Variants in ANKS1B observed in about 807,000 individuals in gnomAD.
ANKS1B encodes ankyrin repeat and sterile alpha motif domain-containing protein 1B.
Under a neutral mutation model 148.3 loss-of-function variants are expected in ANKS1B, and 36 were observed. The observed-to-expected ratio is 0.24, with a 90% CI of 0.19 to 0.32. The LOEUF is 0.32. ANKS1B is among the 10% of genes least tolerant of loss of function. ANKS1B has a pLI of 1.00. For missense variants in ANKS1B, 1,157 were observed against 1,542.6 expected (o/e 0.75, Z 4.19); for synonymous variants, 542 against 560.8 (o/e 0.97, Z 0.47).
At chr12:99,196,460 G>A (rs2081385463) in intron 14 of ANKS1B, among the ~76,000 whole-genome samples, 1 of 152,084 alleles carries the variant, frequency 6.6e-6, no homozygotes, top group African/African-American at 2.4e-5. Flanking sequence ...ATGGCTGGCT[G>A]TCTTTACTAC....
At chr12:99,730,262 AG>A (rs2059006452) in intron 8 of ANKS1B, among the ~76,000 whole-genome samples, 1 of 152,170 alleles carries the variant, frequency 6.6e-6, no homozygotes, top group Non-Finnish European at 1.5e-5. Flanking sequence ...GGCTCCCACA[AG>A]CTGTCTCTTT....
At chr12:99,814,366 C>A (rs2068831114) in intron 2 of ANKS1B, among the ~76,000 whole-genome samples, 1 of 151,590 alleles carries the variant, frequency 6.6e-6, no homozygotes. Context: ...AATAGTAAAG[C>A]ACTATACCAA....
intron 1 of ANKS1B, among the ~76,000 whole-genome samples, chr12:99,888,299 C>G (rs1027751272): frequency 6.6e-6 from 1 of 152,200 alleles, no homozygotes; most frequent in Non-Finnish European, 1.5e-5. Flanking sequence ...GATGAAGGCT[C>G]TGCTCCTTGA....
At chr12:99,212,853 T>G (rs1368798933) in intron 14 of ANKS1B, among the ~76,000 whole-genome samples, 2 of 152,194 alleles carry the variant, frequency 1.3e-5, no homozygotes, top group Non-Finnish European at 2.9e-5. Flanking sequence ...CCTACGCTTG[T>G]GCTAAATCAC....
chr12:98,950,787 A>G (rs375556201), intron 17 of ANKS1B, among the ~76,000 whole-genome samples: 6 of 152,164 alleles, frequency 3.9e-5, no homozygotes, highest in African/African-American at 1.4e-4. Context: ...TTTTTAATAA[A>G]CAGGGTGTTG....
At chr12:99,546,573 T>C (rs1451815487) in intron 9 of ANKS1B, among the ~76,000 whole-genome samples, 7 of 152,134 alleles carry the variant, frequency 4.6e-5, no homozygotes, top group African/African-American at 1.4e-4. Flanking sequence ...GAAAATGGGA[T>C]CTCTGATAAG....
intron 9 of ANKS1B, among the ~76,000 whole-genome samples, chr12:99,621,629 T>G (rs532359791): frequency 1.3e-4 from 20 of 152,004 alleles, no homozygotes; most frequent in African/African-American, 4.3e-4. Context: ...AAAAAAGACT[T>G]TAAACCAACA....
chr12:99,291,166 A>G (rs1046945127), intron 12 of ANKS1B, among the ~76,000 whole-genome samples: 5 of 152,180 alleles, frequency 3.3e-5, no homozygotes, highest in African/African-American at 9.6e-5. Context: ...ATACTTAGGA[A>G]TAGACTTAAA....
intron 12 of ANKS1B, among the ~76,000 whole-genome samples, chr12:99,321,394 C>A (rs1290070243): frequency 6.6e-6 from 1 of 152,232 alleles, no homozygotes; most frequent in Non-Finnish European, 1.5e-5. Context: ...CTACTCAAGC[C>A]TCGGCAATGG....
At chr12:99,030,722 G>A (rs1235785520) in intron 17 of ANKS1B, among the ~76,000 whole-genome samples, 3 of 152,140 alleles carry the variant, frequency 2.0e-5, no homozygotes, top group African/African-American at 7.2e-5. Context: ...CTCTTCAAAG[G>A]AAATTCTTAC....
intron 16 of ANKS1B, chr12:99,083,979 T>A (rs1013716871): frequency 1.3e-5 from 2 of 152,182 alleles, no homozygotes; most frequent in Non-Finnish European, 2.9e-5. Context: ...ATTTTGCCTC[T>A]TCCTTTAGGC....
At chr12:99,019,197 G>T (rs1232821525) in intron 17 of ANKS1B, among the ~76,000 whole-genome samples, 1 of 152,124 alleles carries the variant, frequency 6.6e-6, no homozygotes, top group Non-Finnish European at 1.5e-5. Flanking sequence ...CTTCTCCAAA[G>T]ATTTGATCAT....
intron 9 of ANKS1B, among the ~76,000 whole-genome samples, chr12:99,529,919 GATTA>G: frequency 6.6e-6 from 1 of 152,164 alleles, no homozygotes; most frequent in South Asian, 2.1e-4. Flanking sequence ...ATAATATTAG[GATTA>G]ATTTAGGAAT....
intron 17 of ANKS1B, among the ~76,000 whole-genome samples, chr12:99,018,867 C>T (rs1042290714): frequency 4.6e-5 from 7 of 152,102 alleles, no homozygotes; most frequent in African/African-American, 1.7e-4. Context: ...CATTTGAACC[C>T]GGGAGGCAGA....
At chr12:99,066,876 T>C (rs1047336956) in intron 16 of ANKS1B, among the ~76,000 whole-genome samples, 12 of 152,198 alleles carry the variant, frequency 7.9e-5, no homozygotes, top group Non-Finnish European at 7.3e-5. Context: ...GGGTCTCAGC[T>C]TGAAGAGGAC....
At chr12:99,124,030 CT>C (rs2063627371) in intron 15 of ANKS1B, among the ~76,000 whole-genome samples, 1 of 152,124 alleles carries the variant, frequency 6.6e-6, no homozygotes, top group Non-Finnish European at 1.5e-5. Flanking sequence ...CATGCAGGGT[CT>C]TGGAAACCAC....
chr12:99,244,831 T>C (rs2089991613), intron 13 of ANKS1B, among the ~76,000 whole-genome samples: 1 of 152,144 alleles, frequency 6.6e-6, no homozygotes, highest in Admixed American at 6.5e-5. Flanking sequence ...TTTCAGGGTG[T>C]GGAGAGCACG....
At chr12:99,973,235 C>G (rs1464074728) in intron 1 of ANKS1B, among the ~76,000 whole-genome samples, 1 of 152,190 alleles carries the variant, frequency 6.6e-6, no homozygotes, top group Non-Finnish European at 1.5e-5. Flanking sequence ...TTAAGAAATA[C>G]ATTTTGTAAG....
At chr12:99,896,348 A>G (rs73376109) in intron 1 of ANKS1B, among the ~76,000 whole-genome samples, 7,136 of 151,242 alleles carry the variant, frequency 0.047, 603 homozygotes, top group African/African-American at 0.16. Context: ...GTGAGATCAT[A>G]TAGTATTTTT....
Sources: allele counts gnomAD v4.1 joint callset (sites outside exome capture counted in the v4.1 genomes callset), GRCh38; gene constraint gnomAD v4.1.1; transcripts MANE v1.5; gene names NCBI Gene and HGNC (gene_info 2026-07-23, HGNC 2026-07-21).